Variants in ARHGAP18 observed in about 807,000 individuals in gnomAD.
The protein encoded by ARHGAP18 is Rho GTPase activating protein 18.
In ARHGAP18, 67 loss-of-function variants were observed where a neutral mutation model predicts 86.2. The ratio of observed to expected loss-of-function variants is 0.78; its 90% CI spans 0.64 to 0.95. The LOEUF (loss-of-function observed/expected upper bound fraction) is 0.95. ARHGAP18 is among the 40% of genes least tolerant of loss of function. The pLI is 0.00. For missense variants in ARHGAP18, 691 were observed against 780.4 expected, an observed-to-expected ratio of 0.89 and a Z score of 1.37; for synonymous variants, 283 against 280.4, an observed-to-expected ratio of 1.01 and a Z score of -0.09.
chr6:129,639,893 A>G (rs1204369674), intron 2 of ARHGAP18, among the ~76,000 whole-genome samples: 2 of 151,986 alleles, frequency 1.3e-5, no homozygotes, highest in Non-Finnish European at 2.9e-5. Flanking sequence ...AAAAATACAA[A>G]AATTAGCTGG....
chr6:129,584,564 T>C (rs996807790), intron 12 of ARHGAP18, among the ~76,000 whole-genome samples: 1 of 152,210 alleles, frequency 6.6e-6, no homozygotes, highest in Non-Finnish European at 1.5e-5. Context: ...AAAAGAAACA[T>C]ACTTTTCTAT....
chr6:129,629,475 C>G lies in ARHGAP18; in HGVS notation c.664G>C (p.Glu222Gln). The change falls in exon 5 of 15, where the codon GAG becomes CAG. Residue 222 changes from glutamate to glutamine, a missense_variant. Transcript: ENST00000368149. ...VGEEKLIPPEETPAPETDINL... is the reference protein window; with the variant it reads ...VGEEKLIPPEQTPAPETDINL... ...ATGTCTGTTTCAGGGGCAGGCGTCT[C>G]CTCAGGTGGGATCAGCTTCTCTTCA... 6.2e-7 allele frequency: 1 copy of G among 1,613,730 alleles called. No homozygotes were observed. Among genetic ancestry groups the G allele is most frequent in the Non-Finnish European group, 8.5e-7 (1 of 1,179,890 alleles).
At chr6:129,622,153 C>T (rs1006856485) in intron 5 of ARHGAP18, among the ~76,000 whole-genome samples, 1 of 152,094 alleles carries the variant, frequency 6.6e-6, no homozygotes, top group African/African-American at 2.4e-5. Flanking sequence ...TACAGGGAGG[C>T]GAGCATAGAA....
chr6:129,675,266 G>C (rs1253424845), intron 1 of ARHGAP18, among the ~76,000 whole-genome samples: 1 of 152,006 alleles, frequency 6.6e-6, no homozygotes, highest in East Asian at 1.9e-4. Flanking sequence ...CTAATTAAGA[G>C]GTTGAGTGGC....
chr6:129,705,770 C>T (rs1163106313), intron 1 of ARHGAP18, among the ~76,000 whole-genome samples: 1 of 152,164 alleles, frequency 6.6e-6, no homozygotes, highest in Non-Finnish European at 1.5e-5. Flanking sequence ...ATGGGCTTGA[C>T]AGAGGTCATC....
chr6:129,651,124 A>C (rs1484375550), intron 1 of ARHGAP18, among the ~76,000 whole-genome samples: 1 of 152,166 alleles, frequency 6.6e-6, no homozygotes, highest in African/African-American at 2.4e-5. Context: ...CCTCTAAAAT[A>C]ATTTCTAAGG....
In ARHGAP18 at chr6:129,682,837, T is replaced by C. The variant is rs1342603533; in HGVS notation, c.113+27187A>G. On this transcript the variant is annotated intron_variant, in intron 1 of 14. Transcript: ENST00000368149. ...ACTGAACAATAAAACACAATAAGAATTTTTTTGAGAAAACTGCACACATAA... is the reference window on the plus strand; with the variant it reads ...ACTGAACAATAAAACACAATAAGAACTTTTTTGAGAAAACTGCACACATAA... Among the ~76,000 whole-genome samples the C allele has an allele frequency of 2.0e-5, 3 of 152,180 alleles. No individual in the cohort carries two copies. In the East Asian group the frequency reaches 5.8e-4, roughly 29 times the overall value.
At chr6:129,651,110 A>G (rs1773702621) in intron 1 of ARHGAP18, among the ~76,000 whole-genome samples, 1 of 152,190 alleles carries the variant, frequency 6.6e-6, no homozygotes. Flanking sequence ...TTAAAGTACT[A>G]CTGCCTCTAA....
chr6:129,592,596 C>T (rs1183130442), intron 12 of ARHGAP18, among the ~76,000 whole-genome samples: 1 of 152,144 alleles, frequency 6.6e-6, no homozygotes, highest in Non-Finnish European at 1.5e-5. Flanking sequence ...CTTTTGTTTC[C>T]TTGACCTATG....
intron 12 of ARHGAP18, among the ~76,000 whole-genome samples, chr6:129,587,239 T>C (rs140947304): frequency 5.1e-4 from 77 of 152,200 alleles, no homozygotes; most frequent in African/African-American, 1.7e-3. Context: ...GGTGCCTCTA[T>C]CCACCATATG....
chr6:129,587,656 T>A (rs746288367), intron 12 of ARHGAP18, among the ~76,000 whole-genome samples: 1 of 152,154 alleles, frequency 6.6e-6, no homozygotes, highest in African/African-American at 2.4e-5. Flanking sequence ...TCAGATCTCA[T>A]GAGAACTCAC....
At chr6:129,600,423 T>C (rs1788713834) in intron 11 of ARHGAP18, among the ~76,000 whole-genome samples, 1 of 151,994 alleles carries the variant, frequency 6.6e-6, no homozygotes, top group African/African-American at 2.4e-5. Flanking sequence ...CACTGAGAAA[T>C]GGGAAAATAG....
At chr6:129,674,951 A>T (rs1774205577) in intron 1 of ARHGAP18, among the ~76,000 whole-genome samples, 1 of 152,206 alleles carries the variant, frequency 6.6e-6, no homozygotes, top group African/African-American at 2.4e-5. Context: ...TCTTCATTTT[A>T]AAAATTTTGA....
chr6:129,669,272 C>A (rs1470137035), intron 1 of ARHGAP18, among the ~76,000 whole-genome samples: 11 of 151,932 alleles, frequency 7.2e-5, no homozygotes, highest in African/African-American at 2.4e-4. Flanking sequence ...CCCGGGTTCA[C>A]GCCATTCTCC....
chr6:129,650,743 G>A (rs1773693006), intron 1 of ARHGAP18, among the ~76,000 whole-genome samples: 1 of 152,098 alleles, frequency 6.6e-6, no homozygotes, highest in South Asian at 2.1e-4. Flanking sequence ...CTTTCTCCAG[G>A]ACCCTCTATC....
chr6:129,671,425 G>T (rs139677708), intron 1 of ARHGAP18, among the ~76,000 whole-genome samples: 6 of 152,148 alleles, frequency 3.9e-5, no homozygotes, highest in Admixed American at 6.5e-5. Context: ...AGGGCCAGGC[G>T]CAGTGGCTTA....
chr6:129,624,589 T>A (rs1789300860), intron 5 of ARHGAP18, among the ~76,000 whole-genome samples: 1 of 151,936 alleles, frequency 6.6e-6, no homozygotes, highest in South Asian at 2.1e-4. Flanking sequence ...TGGATCATCA[T>A]TTTAGGCCAC....
chr6:129,643,005 T>A (rs1447598242), intron 1 of ARHGAP18, among the ~76,000 whole-genome samples: 4 of 152,262 alleles, frequency 2.6e-5, no homozygotes, highest in Middle Eastern at 3.4e-3. Flanking sequence ...ATTGAATAAA[T>A]AAGAGTATTT....
At chr6:129,610,188 T>C (rs1194591775) in intron 8 of ARHGAP18, among the ~76,000 whole-genome samples, 2 of 152,216 alleles carry the variant, frequency 1.3e-5, no homozygotes, top group African/African-American at 4.8e-5. Context: ...TAAAAGTTAG[T>C]AGTTAATGGC....
Sources: gnomAD v4.1 joint callset for allele counts (sites outside exome capture counted in the v4.1 genomes callset) on GRCh38, gnomAD v4.1.1 for gene constraint, MANE v1.5 for transcripts, NCBI Gene and HGNC (gene_info 2026-07-23, HGNC 2026-07-21) for gene names.